Variants in RPH3A observed in about 807,000 individuals in gnomAD.
RPH3A encodes the protein rabphilin 3A.
Under a neutral mutation model 102.2 loss-of-function variants are expected in RPH3A, and 48 were observed. That is an observed-to-expected ratio of 0.47 (90% CI 0.37 to 0.60). The LOEUF is 0.60. Among genes scored for constraint, RPH3A ranks in the 20% least tolerant of loss-of-function variants. The pLI is 0.00. For missense variants in RPH3A, 781 were observed against 910.1 expected, an observed-to-expected ratio of 0.86 and a Z score of 1.83; for synonymous variants, 310 against 324.3, an observed-to-expected ratio of 0.96 and a Z score of 0.47.
intron 1 of RPH3A, among the ~76,000 whole-genome samples, chr12:112,771,207 G>C (rs754369925): frequency 6.6e-6 from 1 of 152,112 alleles, no homozygotes; most frequent in Non-Finnish European, 1.5e-5. Context: ...ATATATTTTG[G>C]ACACTTGTCT....
intron 1 of RPH3A, among the ~76,000 whole-genome samples, chr12:112,726,464 C>A (rs910864801): frequency 2.6e-5 from 4 of 152,124 alleles, no homozygotes; most frequent in Admixed American, 2.0e-4. Context: ...GTACCCAGCA[C>A]CCAAATAGTG....
intron 1 of RPH3A, among the ~76,000 whole-genome samples, chr12:112,734,836 T>A (rs533315740): frequency 9.5e-4 from 145 of 152,290 alleles, no homozygotes; most frequent in African/African-American, 3.4e-3. Flanking sequence ...AATTAGTGTA[T>A]AATGAACAGT....
intron 1 of RPH3A, among the ~76,000 whole-genome samples, chr12:112,726,638 C>A (rs1006299386): frequency 4.6e-5 from 7 of 152,198 alleles, no homozygotes; most frequent in Non-Finnish European, 1.0e-4. Flanking sequence ...ATTTTTCCCC[C>A]TTGTTTCTCT....
At chr12:112,780,620 T>C (rs2041001363) in intron 1 of RPH3A, among the ~76,000 whole-genome samples, 1 of 152,218 alleles carries the variant, frequency 6.6e-6, no homozygotes, top group Non-Finnish European at 1.5e-5. Context: ...GAACACATGC[T>C]ATTTGCTGAG....
At chr12:112,871,519 C>A (rs2042707929) in intron 10 of RPH3A, among the ~76,000 whole-genome samples, 1 of 152,116 alleles carries the variant, frequency 6.6e-6, no homozygotes, top group South Asian at 2.1e-4. Flanking sequence ...TAGCATGTGT[C>A]AGAATTTCTT....
At chr12:112,862,287 C>A (rs1446078253) in intron 5 of RPH3A, among the ~76,000 whole-genome samples, 1 of 152,116 alleles carries the variant, frequency 6.6e-6, no homozygotes, top group Non-Finnish European at 1.5e-5. Flanking sequence ...TGCCTGTAGT[C>A]CCAGCTACTT....
intron 1 of RPH3A, among the ~76,000 whole-genome samples, chr12:112,697,617 C>T (rs928513901): frequency 6.6e-6 from 1 of 152,168 alleles, no homozygotes; most frequent in Non-Finnish European, 1.5e-5. Flanking sequence ...TGAATCCCAT[C>T]ACTTTGGGAG....
chr12:112,833,582 A>G (rs2042003224), intron 3 of RPH3A, among the ~76,000 whole-genome samples: 1 of 74,184 alleles, frequency 1.3e-5, no homozygotes, highest in African/African-American at 5.5e-5. Context: ...TAATGTTGGT[A>G]TTTGCAGTGG....
intron 14 of RPH3A, among the ~76,000 whole-genome samples, chr12:112,880,328 T>C (rs1490852570): frequency 1.3e-5 from 2 of 152,216 alleles, no homozygotes; most frequent in Non-Finnish European, 2.9e-5. Context: ...GGCAAGCACT[T>C]AGAAGCACTT....
intron 1 of RPH3A, among the ~76,000 whole-genome samples, chr12:112,680,948 A>C: frequency 6.7e-6 from 1 of 149,192 alleles, no homozygotes. Flanking sequence ...TTCTTCTCCA[A>C]TCCCCTCTTC....
At chr12:112,671,573 C>G (rs232925) in intron 1 of RPH3A, among the ~76,000 whole-genome samples, 1 of 151,838 alleles carries the variant, frequency 6.6e-6, no homozygotes, top group African/African-American at 2.4e-5. Flanking sequence ...GCTTTGTGCC[C>G]AGGTAAAATT....
chr12:112,865,705 G>T (rs566390566), intron 6 of RPH3A, 162 bp downstream of exon 6: 3 of 660,984 alleles, frequency 4.5e-6, no homozygotes, highest in Admixed American at 6.8e-5. Flanking sequence ...ATGCCCTACT[G>T]TCTTCCAACG....
At chr12:112,581,484 G>A (rs779320670) in intron 1 of RPH3A, among the ~76,000 whole-genome samples, 8 of 152,084 alleles carry the variant, frequency 5.3e-5, no homozygotes, top group African/African-American at 7.2e-5. Context: ...TAAGAGTCTC[G>A]ACAAAATTAA....
chr12:112,604,158 T>C (rs2039577630), intron 1 of RPH3A, among the ~76,000 whole-genome samples: 1 of 152,182 alleles, frequency 6.6e-6, no homozygotes, highest in South Asian at 2.1e-4. Flanking sequence ...GCTGGTAAAG[T>C]GGCAGAGCTG....
chr12:112,678,287 A>AAGAGAGAGAG lies in RPH3A; in HGVS notation c.-140+102971_-140+102972insGAGAGAGAGA, dbSNP rs1339775567. On this transcript the variant is annotated intron_variant, in intron 1 of 21. Transcript: ENST00000543106. ...AAAGAAAGAAAGAAAGAAAGAAAGA[A>AAGAGAGAGAG]AGAAAGAAAGAAAGAAAGAGAGAGA... 3.1e-4 allele frequency among the ~76,000 whole-genome samples: 11 copies of AAGAGAGAGAG among 35,606 alleles called. 2 individuals carry two copies. Among genetic ancestry groups the AAGAGAGAGAG allele is most frequent in the African/African-American group, 2.0e-3 (10 of 5,080 alleles). 23.4% of individuals were successfully genotyped at this position (35,606 alleles called of 152,430 possible). A position where few individuals can be genotyped will look rare whatever the true frequency, so the allele number is the denominator to read the frequency against.
At chr12:112,644,289 T>C (rs1185895485) in intron 1 of RPH3A, among the ~76,000 whole-genome samples, 1 of 152,224 alleles carries the variant, frequency 6.6e-6, no homozygotes, top group Non-Finnish European at 1.5e-5. Flanking sequence ...CTTCTAAATC[T>C]ATAAATAAAA....
intron 1 of RPH3A, among the ~76,000 whole-genome samples, chr12:112,708,245 C>T (rs927849021): frequency 6.6e-6 from 1 of 152,146 alleles, no homozygotes; most frequent in Admixed American, 6.5e-5. Flanking sequence ...CCTCTCTGTA[C>T]CTTTATCTAA....
intron 1 of RPH3A, among the ~76,000 whole-genome samples, chr12:112,633,185 G>A (rs2039819772): frequency 6.6e-6 from 1 of 152,132 alleles, no homozygotes. Flanking sequence ...GGGCAACAGA[G>A]CAAAACCCTG....
chr12:112,670,182 GCTT>G (rs2040117650), intron 1 of RPH3A, among the ~76,000 whole-genome samples: 1 of 152,110 alleles, frequency 6.6e-6, no homozygotes. Flanking sequence ...TCAGCTCTTT[GCTT>G]CTTTGTTTTT....
Sources: gnomAD v4.1 joint callset for allele counts (sites outside exome capture counted in the v4.1 genomes callset) on GRCh38, gnomAD v4.1.1 for gene constraint, MANE v1.5 for transcripts, NCBI Gene and HGNC (gene_info 2026-07-23, HGNC 2026-07-21) for gene names.